KHDRBS2: variants seen among roughly 807,000 people sequenced by gnomAD.
KHDRBS2 encodes the protein KH domain-containing, RNA-binding, signal transduction-associated protein 2.
A neutral mutation model predicts 44.3 loss-of-function variants in KHDRBS2; 26 were observed. That is an observed-to-expected ratio of 0.59 (90% confidence interval 0.43 to 0.81). KHDRBS2 has a LOEUF of 0.81. KHDRBS2 is among the 40% of genes least tolerant of loss of function. The pLI is 0.00. For synonymous variants in KHDRBS2, 194 were observed against 151.1 expected (o/e 1.28, Z -2.08); for missense variants, 476 against 433.1 (o/e 1.10, Z -0.88).
At position 62,199,291 on chromosome 6, in the gene KHDRBS2, T is replaced by C. The variant is rs184194107; in HGVS notation, c.92-21979A>G. Reference sequence around the variant, plus strand: ...GTCATTCAATTAGGAAAAAAGGAAGTCAAATTGTCCCTGTTTGCAGATGAC... The same window carrying C: ...GTCATTCAATTAGGAAAAAAGGAAGCCAAATTGTCCCTGTTTGCAGATGAC... On this transcript the variant is annotated intron_variant, in intron 1 of 8. Transcript: ENST00000281156. 3.9e-5 allele frequency among the ~76,000 whole-genome samples: 6 copies of C among 152,194 alleles called. No individual in the cohort carries two copies. In the East Asian group the frequency reaches 1.2e-3, roughly 29 times the overall value.
chr6:61,555,594 G>T, the KHDRBS2 span, among the ~76,000 whole-genome samples: 1 of 152,178 alleles, frequency 6.6e-6, no homozygotes, highest in African/African-American at 2.4e-5. Context: ...TGCCTTTTGA[G>T]TTGCCAGAGT....
chr6:61,654,747 CACAGG>C, the KHDRBS2 span, among the ~76,000 whole-genome samples: 8 of 151,248 alleles, frequency 5.3e-5, no homozygotes, highest in African/African-American at 1.9e-4. Context: ...GCTGGAGGGA[CACAGG>C]ACAGGACAAG....
chr6:61,978,059 CACTT>C lies in KHDRBS2; in HGVS notation c.483+3_483+6del, dbSNP rs748568365. On this transcript the variant is annotated splice_donor_5th_base_variant and intron_variant, in intron 4 of 8. Transcript: ENST00000281156. The stretch of plus-strand genomic sequence containing the variant: ...AAACATCTTTGTAAAAAATGAAAGA[CACTT>C]ACAGGAACCAGGAATTTTTTAATCT... The C allele has an allele frequency of 1.1e-5, 17 of 1,582,846 alleles. No individual in the cohort carries two copies. The highest frequency in any genetic ancestry group is 1.5e-5 in the Non-Finnish European group (17 of 1,169,422).
At chr6:61,779,707 C>CTAA (rs1453027059) in intron 6 of KHDRBS2, among the ~76,000 whole-genome samples, 9 of 152,100 alleles carry the variant, frequency 5.9e-5, no homozygotes, top group African/African-American at 2.2e-4. Context: ...CTACTACCAA[C>CTAA]TAATATTCAA....
At chr6:61,777,475 AT>A (rs1490707903) in intron 6 of KHDRBS2, among the ~76,000 whole-genome samples, 1 of 152,112 alleles carries the variant, frequency 6.6e-6, no homozygotes, top group Non-Finnish European at 1.5e-5. Flanking sequence ...TAATGAACTT[AT>A]TTTGCTTCTC....
At chr6:61,870,864 A>C (rs922597043) in intron 6 of KHDRBS2, among the ~76,000 whole-genome samples, 1 of 152,188 alleles carries the variant, frequency 6.6e-6, no homozygotes, top group Non-Finnish European at 1.5e-5. Flanking sequence ...CACCAACATC[A>C]AAGACCAAAG....
At chr6:62,152,840 C>T (rs1815512872) in intron 2 of KHDRBS2, among the ~76,000 whole-genome samples, 1 of 152,132 alleles carries the variant, frequency 6.6e-6, no homozygotes, top group Admixed American at 6.5e-5. Context: ...GCATGACAAG[C>T]AACCTCAGGG....
the KHDRBS2 span, among the ~76,000 whole-genome samples, chr6:61,600,060 C>T: frequency 1.3e-5 from 2 of 152,172 alleles, no homozygotes; most frequent in African/African-American, 2.4e-5. Context: ...TGCATAAATG[C>T]TTTTCACTTG....
At chr6:61,728,144 G>C (rs527576588) in intron 7 of KHDRBS2, among the ~76,000 whole-genome samples, 44 of 152,088 alleles carry the variant, frequency 2.9e-4, no homozygotes, top group Non-Finnish European at 5.1e-4. Flanking sequence ...GCAGGGACAT[G>C]GATGAAATTG....
At chr6:62,217,377 T>G (rs1830192845) in intron 1 of KHDRBS2, among the ~76,000 whole-genome samples, 1 of 151,900 alleles carries the variant, frequency 6.6e-6, no homozygotes, top group Non-Finnish European at 1.5e-5. Context: ...TTGATTGTTC[T>G]CAGTCAAGAT....
intron 2 of KHDRBS2, among the ~76,000 whole-genome samples, chr6:62,104,760 T>A (rs1325195510): frequency 6.6e-6 from 1 of 151,982 alleles, no homozygotes; most frequent in African/African-American, 2.4e-5. Context: ...AAATTAAATA[T>A]TATCACTTTA....
At chr6:61,712,407 G>A (rs1770658089) in intron 7 of KHDRBS2, among the ~76,000 whole-genome samples, 1 of 151,850 alleles carries the variant, frequency 6.6e-6, no homozygotes, top group African/African-American at 2.4e-5. Context: ...TCATTTATGT[G>A]TAGGTTTACA....
chr6:61,951,956 C>T (rs920329873), intron 4 of KHDRBS2, among the ~76,000 whole-genome samples: 1 of 151,970 alleles, frequency 6.6e-6, no homozygotes, highest in African/African-American at 2.4e-5. Context: ...AAGAAAGCCA[C>T]TCCTTAGACC....
the KHDRBS2 span, among the ~76,000 whole-genome samples, chr6:61,561,625 C>T: frequency 6.6e-6 from 1 of 152,112 alleles, no homozygotes; most frequent in Non-Finnish European, 1.5e-5. Context: ...CCATGGTCAC[C>T]CCCACAACAG....
At chr6:61,870,781 G>T (rs1798548124) in intron 6 of KHDRBS2, among the ~76,000 whole-genome samples, 1 of 146,528 alleles carries the variant, frequency 6.8e-6, no homozygotes, top group Non-Finnish European at 1.5e-5. Flanking sequence ...GCAGCAGAGG[G>T]GCCTGACTAT....
intron 1 of KHDRBS2, among the ~76,000 whole-genome samples, chr6:62,274,291 G>T (rs1439660274): frequency 1.3e-5 from 2 of 152,090 alleles, no homozygotes; most frequent in Non-Finnish European, 2.9e-5. Context: ...CTGATGGCCT[G>T]CCCATGTCTT....
chr6:62,145,388 CT>C (rs1813706532), intron 2 of KHDRBS2, among the ~76,000 whole-genome samples: 1 of 151,414 alleles, frequency 6.6e-6, no homozygotes, highest in South Asian at 2.1e-4. Flanking sequence ...CGCTTTTTCA[CT>C]TTTTAATGCA....
intron 6 of KHDRBS2, among the ~76,000 whole-genome samples, chr6:61,892,702 T>C (rs982462245): frequency 5.1e-4 from 77 of 152,162 alleles, no homozygotes; most frequent in Non-Finnish European, 9.1e-4. Context: ...TAGCCATATG[T>C]AGAAAGCTGA....
chr6:61,859,303 G>A (rs1404515002), intron 6 of KHDRBS2, among the ~76,000 whole-genome samples: 1 of 151,726 alleles, frequency 6.6e-6, no homozygotes, highest in Admixed American at 6.6e-5. Flanking sequence ...CTTGGGGCAG[G>A]AGATGTACAC....
Sources: gnomAD v4.1 joint callset for allele counts (sites outside exome capture counted in the v4.1 genomes callset) on GRCh38, gnomAD v4.1.1 for gene constraint, MANE v1.5 for transcripts, NCBI Gene and HGNC (gene_info 2026-07-23, HGNC 2026-07-21) for gene names.